The following CTNNA3 variants were observed in gnomAD, a reference collection of about 807,000 sequenced individuals.
CTNNA3 encodes the protein catenin alpha-3.
Under a neutral mutation model 95.7 loss-of-function variants are expected in CTNNA3, and 76 were observed. The ratio of observed to expected loss-of-function variants is 0.79; its 90% CI spans 0.66 to 0.96. The LOEUF (loss-of-function observed/expected upper bound fraction) is 0.96, where lower values mean the gene tolerates loss of function less well. Among genes scored for constraint, CTNNA3 ranks in the 40% least tolerant of loss-of-function variants. CTNNA3 has a pLI of 0.00. For missense variants in CTNNA3, 1,191 were observed against 1,089.8 expected (o/e 1.09, Z -1.31); for synonymous variants, 431 against 374.4 (o/e 1.15, Z -1.74).
intron 9 of CTNNA3, among the ~76,000 whole-genome samples, chr10:66,721,829 C>A (rs1848636816): frequency 6.6e-6 from 1 of 152,144 alleles, no homozygotes; most frequent in South Asian, 2.1e-4. Flanking sequence ...GTGATAGGCA[C>A]TTTTTGGGCA....
intron 7 of CTNNA3, among the ~76,000 whole-genome samples, chr10:66,890,593 A>G (rs10997431): frequency 0.81 from 122,853 of 151,500 alleles, 51,028 homozygotes; most frequent in Non-Finnish European, 0.91. Flanking sequence ...GTGCAATGGG[A>G]GTAAAAAGAG....
At chr10:67,265,562 G>T (rs754142403) in intron 5 of CTNNA3, among the ~76,000 whole-genome samples, 45 of 152,120 alleles carry the variant, frequency 3.0e-4, no homozygotes, top group Admixed American at 5.2e-4. Flanking sequence ...CTGTTTCTAT[G>T]GGGTACAAAA....
chr10:66,663,738 C>A (rs552103625), intron 9 of CTNNA3, among the ~76,000 whole-genome samples: 97 of 152,226 alleles, frequency 6.4e-4, no homozygotes, highest in African/African-American at 2.3e-3. Context: ...GAGTTCAGTT[C>A]TGTACACCAA....
intron 12 of CTNNA3, among the ~76,000 whole-genome samples, chr10:66,321,410 G>A (rs1227204917): frequency 6.6e-6 from 1 of 152,016 alleles, no homozygotes; most frequent in East Asian, 1.9e-4. Flanking sequence ...GTTGGACTTG[G>A]TGGAAATCCT....
At chr10:67,011,104 C>T (rs577992672) in intron 7 of CTNNA3, among the ~76,000 whole-genome samples, 9 of 152,080 alleles carry the variant, frequency 5.9e-5, no homozygotes, top group East Asian at 3.9e-4. Context: ...CCAAGGCAGA[C>T]GGATCACGAA....
intron 7 of CTNNA3, among the ~76,000 whole-genome samples, chr10:66,968,258 C>T (rs1849540903): frequency 1.3e-5 from 2 of 151,230 alleles, no homozygotes; most frequent in Admixed American, 6.6e-5. Context: ...AAACAGTTTC[C>T]AAAACAATAC....
chr10:67,288,434 T>G (rs1415672594), intron 5 of CTNNA3, among the ~76,000 whole-genome samples: 1 of 152,190 alleles, frequency 6.6e-6, no homozygotes, highest in Non-Finnish European at 1.5e-5. Flanking sequence ...AAACAGAACT[T>G]ATTCAGTTTA....
At chr10:66,553,448 T>TC (rs1405166424) in intron 10 of CTNNA3, among the ~76,000 whole-genome samples, 3 of 151,192 alleles carry the variant, frequency 2.0e-5, no homozygotes, top group Non-Finnish European at 4.4e-5. Flanking sequence ...ATCTTTTTTT[T>TC]TTTCAGTGAT....
chr10:66,724,607 G>C (rs1848725649), intron 9 of CTNNA3, among the ~76,000 whole-genome samples: 1 of 152,148 alleles, frequency 6.6e-6, no homozygotes, highest in Admixed American at 6.5e-5. Context: ...GTGATAAGGG[G>C]ATATCATCTC....
chr10:67,019,892 A>G (rs1311316693), intron 7 of CTNNA3, among the ~76,000 whole-genome samples: 2 of 152,180 alleles, frequency 1.3e-5, no homozygotes, highest in Non-Finnish European at 2.9e-5. Flanking sequence ...CTGTAATTCT[A>G]CCATAAAAAC....
chr10:66,200,346 A>T (rs1200321075), intron 13 of CTNNA3, among the ~76,000 whole-genome samples: 2 of 152,144 alleles, frequency 1.3e-5, no homozygotes, highest in African/African-American at 2.4e-5. Flanking sequence ...ATTAGAAGAA[A>T]AAAGACCACC....
At chr10:67,730,116 G>C (rs1405637668) in intron 1 of CTNNA3, among the ~76,000 whole-genome samples, 1 of 152,122 alleles carries the variant, frequency 6.6e-6, no homozygotes, top group Non-Finnish European at 1.5e-5. Context: ...CCCTTCTCTT[G>C]TGGAGGGACA....
intron 5 of CTNNA3, among the ~76,000 whole-genome samples, chr10:67,312,558 A>G (rs1270069318): frequency 6.6e-6 from 1 of 152,206 alleles, no homozygotes; most frequent in Non-Finnish European, 1.5e-5. Context: ...GGAATCATAA[A>G]TAGTCAATCT....
At chr10:67,652,317 A>G (rs1286032365) in intron 1 of CTNNA3, among the ~76,000 whole-genome samples, 1 of 152,254 alleles carries the variant, frequency 6.6e-6, no homozygotes, top group African/African-American at 2.4e-5. Context: ...CATTCACTCC[A>G]GAGCACTCTG....
intron 9 of CTNNA3, among the ~76,000 whole-genome samples, chr10:66,732,735 A>G (rs1230760292): frequency 1.3e-5 from 2 of 152,100 alleles, no homozygotes; most frequent in Non-Finnish European, 2.9e-5. Context: ...GGAAAATACA[A>G]TTCAAGATGG....
chr10:67,525,928 G>A (rs566255673), intron 4 of CTNNA3, among the ~76,000 whole-genome samples: 10 of 152,098 alleles, frequency 6.6e-5, no homozygotes, highest in African/African-American at 1.9e-4. Context: ...TCCCATACCC[G>A]CAGCGTTATG....
chr10:67,275,435 A>G (rs1839149989), intron 5 of CTNNA3, among the ~76,000 whole-genome samples: 1 of 152,174 alleles, frequency 6.6e-6, no homozygotes, highest in South Asian at 2.1e-4. Context: ...CAACAGCTAC[A>G]TATTACCTGG....
chr10:66,446,610 G>C (rs1296930106), intron 11 of CTNNA3, among the ~76,000 whole-genome samples: 3 of 152,080 alleles, frequency 2.0e-5, no homozygotes, highest in Admixed American at 6.5e-5. Context: ...AAAGGCCTTT[G>C]ACAAAATCCA....
intron 7 of CTNNA3, among the ~76,000 whole-genome samples, chr10:67,044,304 C>T (rs545334732): frequency 3.3e-5 from 5 of 152,100 alleles, no homozygotes; most frequent in South Asian, 4.1e-4. Context: ...AACAATTTAA[C>T]GAGGGGGAAG....
Sources: allele counts gnomAD v4.1 joint callset (sites outside exome capture counted in the v4.1 genomes callset), GRCh38; gene constraint gnomAD v4.1.1; transcripts MANE v1.5; gene names NCBI Gene and HGNC (gene_info 2026-07-23, HGNC 2026-07-21).